FGF13: variants seen among roughly 807,000 people sequenced by gnomAD.
FGF13 encodes the protein fibroblast growth factor homologous factor 2.
In FGF13, 2 loss-of-function variants were observed where a neutral mutation model predicts 19.5. The observed-to-expected ratio is 0.10, with a 90% CI of 0.04 to 0.32. The LOEUF (loss-of-function observed/expected upper bound fraction) is 0.32, where lower values mean the gene tolerates loss of function less well. FGF13 is among the 10% of genes least tolerant of loss of function. The probability of loss-of-function intolerance (pLI) is 1.00; values close to 1 mark genes in which losing one functional copy is unlikely to be tolerated. For missense variants in FGF13, 113 were observed against 192.7 expected, an observed-to-expected ratio of 0.59 and a Z score of 2.45; for synonymous variants, 72 against 76.9, an observed-to-expected ratio of 0.94 and a Z score of 0.33.
At chrX:139,116,078 A>C (rs1463125863) in intron 1 of FGF13, among the ~76,000 whole-genome samples, 1 of 111,996 alleles carries the variant, frequency 8.9e-6, no homozygotes, top group Non-Finnish European at 1.9e-5. Flanking sequence ...TAGGCGCCAG[A>C]CTCTATGCAG....
chrX:138,766,990 A>C (rs762941924), intron 3 of FGF13, among the ~76,000 whole-genome samples: 2 of 112,034 alleles, frequency 1.8e-5, no homozygotes, highest in East Asian at 5.6e-4. Context: ...TGAGGTTCCA[A>C]GGCCGGGAAA....
chrX:139,094,003 G>A (rs1447229637), intron 1 of FGF13, among the ~76,000 whole-genome samples: 1 of 111,973 alleles, frequency 8.9e-6, no homozygotes, highest in Non-Finnish European at 1.9e-5. Flanking sequence ...ACTTTGCTTG[G>A]TAGAGGACGC....
intron 1 of FGF13, among the ~76,000 whole-genome samples, chrX:138,933,670 G>A (rs895401289): frequency 1.4e-5 from 1 of 73,790 alleles, no homozygotes; most frequent in Non-Finnish European, 3.4e-5. Context: ...ATTGGCTTCC[G>A]AATTGGTCTT....
intron 3 of FGF13, among the ~76,000 whole-genome samples, chrX:138,811,436 G>C (rs1487738941): frequency 9.1e-6 from 1 of 109,879 alleles, no homozygotes; most frequent in Admixed American, 9.8e-5. Context: ...CACAAACCGG[G>C]GCCTGTTGTG....
intron 1 of FGF13, among the ~76,000 whole-genome samples, chrX:138,962,156 C>T (rs2091874331): frequency 8.9e-6 from 1 of 111,961 alleles, no homozygotes; most frequent in African/African-American, 3.2e-5. Context: ...AAGAATAAAA[C>T]AAACAACCCC....
chrX:139,068,728 A>T (rs1434778777), intron 1 of FGF13, among the ~76,000 whole-genome samples: 2 of 108,949 alleles, frequency 1.8e-5, no homozygotes, highest in Non-Finnish European at 3.8e-5. Flanking sequence ...ATTCCTAGGT[A>T]TTTTATTCTC....
intron 1 of FGF13, among the ~76,000 whole-genome samples, chrX:138,883,237 A>G (rs1569417500): frequency 8.9e-6 from 1 of 112,139 alleles, no homozygotes; most frequent in Non-Finnish European, 1.9e-5. Context: ...AGATTGCAGA[A>G]GTAATCGCCT....
intron 3 of FGF13, among the ~76,000 whole-genome samples, chrX:138,700,984 G>A (rs957715959): frequency 1.7e-4 from 19 of 112,181 alleles, no homozygotes; most frequent in Middle Eastern, 4.6e-3. Context: ...CATTTTCAAC[G>A]CTGGTTCCTT....
chrX:138,663,182 G>A (rs1346117851), intron 3 of FGF13, among the ~76,000 whole-genome samples: 3 of 111,159 alleles, frequency 2.7e-5, no homozygotes, highest in Admixed American at 9.6e-5. Flanking sequence ...TTAATATTAC[G>A]CATCACAGTA....
intron 1 of FGF13, among the ~76,000 whole-genome samples, chrX:139,097,680 T>C (rs747663062): frequency 8.9e-6 from 1 of 112,253 alleles, no homozygotes; most frequent in South Asian, 3.7e-4. Flanking sequence ...TAGTATTCCA[T>C]TTAAAAGTCT....
intron 1 of FGF13, among the ~76,000 whole-genome samples, chrX:138,990,085 A>G (rs1293464405): frequency 8.9e-6 from 1 of 111,787 alleles, no homozygotes; most frequent in Non-Finnish European, 1.9e-5. Flanking sequence ...GAGACTTCCT[A>G]ATATTTGAAA....
At chrX:138,686,133 A>G (rs1346452753) in intron 3 of FGF13, among the ~76,000 whole-genome samples, 1 of 111,554 alleles carries the variant, frequency 9.0e-6, no homozygotes, top group East Asian at 2.8e-4. Flanking sequence ...GTTCTAAGGG[A>G]AAAAAATACT....
At chrX:139,049,740 A>G (rs2092298450) in intron 1 of FGF13, among the ~76,000 whole-genome samples, 1 of 112,674 alleles carries the variant, frequency 8.9e-6, no homozygotes, top group Non-Finnish European at 1.9e-5. Flanking sequence ...TAGTTCAGCC[A>G]CACATGGCCC....
intron 3 of FGF13, among the ~76,000 whole-genome samples, chrX:138,791,240 T>C (rs537790427): frequency 8.9e-6 from 1 of 112,158 alleles, no homozygotes; most frequent in South Asian, 3.7e-4. Context: ...CCATCTTATA[T>C]AGGGCACTAT....
chrX:138,736,636 TA>T (rs113724477), intron 1 of FGF13, among the ~76,000 whole-genome samples: 26 of 109,137 alleles, frequency 2.4e-4, no homozygotes, highest in East Asian at 1.7e-3. Flanking sequence ...GGATTATTGA[TA>T]AAAAAAAATT....
At chrX:138,652,289 T>C (rs2089384294) in intron 3 of FGF13, among the ~76,000 whole-genome samples, 1 of 111,458 alleles carries the variant, frequency 9.0e-6, no homozygotes, top group African/African-American at 3.3e-5. Flanking sequence ...GACCATCCTA[T>C]ATGAAAGAGA....
At chrX:138,755,365 GT>G (rs1018938633) in intron 3 of FGF13, among the ~76,000 whole-genome samples, 9 of 112,275 alleles carry the variant, frequency 8.0e-5, no homozygotes, top group African/African-American at 2.9e-4. Flanking sequence ...ATTGTTAATA[GT>G]TAGAGGAATG....
In FGF13 at chrX:139,034,122, T is replaced by C. The variant is rs138198553; in HGVS notation, c.-113+169294A>G. On this transcript the variant is annotated intron_variant, in intron 1 of 2. Transcript: ENST00000421460. ...ACCTTATAATAACAACAGCAAAATA[T>C]ATGCTTTGAGTACTTACTCTGTCCC... 4.0e-3 allele frequency among the ~76,000 whole-genome samples: 451 copies of C among 111,655 alleles called. 1 individual carries two copies. The highest frequency in any genetic ancestry group is 0.014 in the African/African-American group (424 of 30,785).
At chrX:138,883,352 C>T (rs369733007) in intron 1 of FGF13, among the ~76,000 whole-genome samples, 3 of 111,415 alleles carry the variant, frequency 2.7e-5, no homozygotes, top group Admixed American at 9.6e-5. Flanking sequence ...GGACCAGAGA[C>T]GAGTACATGT....
Sources: allele counts gnomAD v4.1 joint callset (sites outside exome capture counted in the v4.1 genomes callset), GRCh38; gene constraint gnomAD v4.1.1; transcripts MANE v1.5; gene names NCBI Gene and HGNC (gene_info 2026-07-23, HGNC 2026-07-21).